CADM2: variants seen among roughly 807,000 people sequenced by gnomAD.
CADM2 encodes cell adhesion molecule 2.
A neutral mutation model predicts 49.8 loss-of-function variants in CADM2; 12 were observed. The observed-to-expected ratio is 0.24, with a 90% confidence interval of 0.15 to 0.39. The LOEUF (loss-of-function observed/expected upper bound fraction) is 0.39. CADM2 is among the 10% of genes least tolerant of loss of function. CADM2 has a pLI of 1.00. For missense variants in CADM2, 378 were observed against 492.3 expected (o/e 0.77, Z 2.20); for synonymous variants, 214 against 175.4 (o/e 1.22, Z -1.74).
At chr3:85,343,198 A>G (rs1293869145) in intron 1 of CADM2, among the ~76,000 whole-genome samples, 1 of 152,192 alleles carries the variant, frequency 6.6e-6, no homozygotes, top group East Asian at 1.9e-4. Context: ...ACTTATGCCA[A>G]CTGTGGCAAC....
At chr3:85,960,590 A>T (rs1724687573) in intron 7 of CADM2, among the ~76,000 whole-genome samples, 1 of 152,006 alleles carries the variant, frequency 6.6e-6, no homozygotes, top group African/African-American at 2.4e-5. Context: ...TACAGAAAAT[A>T]AATGTAAATT....
intron 3 of CADM2, among the ~76,000 whole-genome samples, chr3:85,868,809 G>C (rs1326301900): frequency 6.6e-6 from 1 of 152,040 alleles, no homozygotes; most frequent in African/African-American, 2.4e-5. Flanking sequence ...TCTCAAGTTG[G>C]TTAACGAAAT....
intron 1 of CADM2, among the ~76,000 whole-genome samples, chr3:85,628,265 T>C (rs1315883115): frequency 1.3e-5 from 2 of 152,004 alleles, no homozygotes; most frequent in African/African-American, 2.4e-5. Context: ...TTACGGCTGT[T>C]ACTTGCAGCT....
intron 8 of CADM2, among the ~76,000 whole-genome samples, chr3:86,046,229 A>G (rs944557839): frequency 2.6e-5 from 4 of 152,264 alleles, no homozygotes; most frequent in Non-Finnish European, 5.9e-5. Context: ...ACATGCTTCC[A>G]GTTTGAATAT....
intron 1 of CADM2, among the ~76,000 whole-genome samples, chr3:85,354,955 C>T (rs550805602): frequency 1.3e-5 from 2 of 152,218 alleles, no homozygotes; most frequent in South Asian, 2.1e-4. Flanking sequence ...TTTGTCTTCA[C>T]GGAAACCCAT....
intron 5 of CADM2, among the ~76,000 whole-genome samples, chr3:85,892,621 C>T (rs1485932615): frequency 2.6e-5 from 4 of 152,176 alleles, no homozygotes; most frequent in Non-Finnish European, 5.9e-5. Context: ...CCTTCACCTT[C>T]CTCCATGATA....
At chr3:85,503,164 A>C (rs2040188318) in intron 1 of CADM2, among the ~76,000 whole-genome samples, 1 of 152,174 alleles carries the variant, frequency 6.6e-6, no homozygotes, top group Non-Finnish European at 1.5e-5. Flanking sequence ...AGTGGAATTA[A>C]GAAAACTCAG....
At chr3:85,324,684 A>G (rs181064868) in intron 1 of CADM2, among the ~76,000 whole-genome samples, 1 of 152,380 alleles carries the variant, frequency 6.6e-6, no homozygotes, top group Admixed American at 6.5e-5. Context: ...TCTATCCAGA[A>G]AGAGAAATGG....
intron 1 of CADM2, among the ~76,000 whole-genome samples, chr3:85,564,623 T>C (rs1046649945): frequency 4.6e-5 from 7 of 152,152 alleles, no homozygotes; most frequent in African/African-American, 1.7e-4. Flanking sequence ...ATTTGTGTAT[T>C]CTAGTGTGGA....
intron 1 of CADM2, among the ~76,000 whole-genome samples, chr3:85,545,429 A>T (rs1247088958): frequency 6.6e-6 from 1 of 152,172 alleles, no homozygotes; most frequent in East Asian, 1.9e-4. Context: ...TAGCTTAAAA[A>T]CTTTAATAGC....
chr3:85,329,763 C>T (rs763645094), intron 1 of CADM2, among the ~76,000 whole-genome samples: 3 of 151,872 alleles, frequency 2.0e-5, no homozygotes, highest in Admixed American at 6.6e-5. Flanking sequence ...TATTTTACAA[C>T]TAGTAATTTT....
intron 8 of CADM2, among the ~76,000 whole-genome samples, chr3:85,971,890 C>A (rs984019141): frequency 1.3e-5 from 2 of 151,546 alleles, no homozygotes; most frequent in African/African-American, 4.8e-5. Context: ...AATTGCAGTA[C>A]TTTTCATATT....
At chr3:85,154,812 A>G (rs1170624917) in intron 1 of CADM2, among the ~76,000 whole-genome samples, 5 of 147,796 alleles carry the variant, frequency 3.4e-5, no homozygotes, top group Admixed American at 2.0e-4. Flanking sequence ...AGAATTTTCA[A>G]CCCAGAATTT....
intron 1 of CADM2, among the ~76,000 whole-genome samples, chr3:85,076,420 T>C (rs2036946311): frequency 6.6e-6 from 1 of 151,666 alleles, no homozygotes; most frequent in South Asian, 2.1e-4. Context: ...TGGTATCAGC[T>C]CACGGCAACC....
intron 1 of CADM2, among the ~76,000 whole-genome samples, chr3:85,618,587 C>T (rs1214098107): frequency 6.6e-6 from 1 of 152,006 alleles, no homozygotes; most frequent in Non-Finnish European, 1.5e-5. Flanking sequence ...AAGGATAATC[C>T]CAGTCCAAAG....
chr3:85,187,580 C>A (rs1052928750), intron 1 of CADM2, among the ~76,000 whole-genome samples: 4 of 152,046 alleles, frequency 2.6e-5, no homozygotes, highest in Non-Finnish European at 5.9e-5. Flanking sequence ...GGTTTATGAA[C>A]CTCCTCTGGC....
At chr3:85,345,748 G>A (rs2030569282) in intron 1 of CADM2, among the ~76,000 whole-genome samples, 1 of 152,132 alleles carries the variant, frequency 6.6e-6, no homozygotes, top group East Asian at 1.9e-4. Context: ...TTGGACTATT[G>A]GAAGAACTTA....
chr3:85,188,882 T>A (rs1299319609), intron 1 of CADM2, among the ~76,000 whole-genome samples: 1 of 151,444 alleles, frequency 6.6e-6, no homozygotes, highest in African/African-American at 2.4e-5. Context: ...ATACAAAAAA[T>A]TAGCCAGGCG....
chr3:85,651,697 T>C (rs1248238381), intron 1 of CADM2, among the ~76,000 whole-genome samples: 2 of 152,312 alleles, frequency 1.3e-5, no homozygotes, highest in Non-Finnish European at 2.9e-5. Context: ...CATACTAATG[T>C]AGGATATGTT....
Sources: gnomAD v4.1 joint callset for allele counts (sites outside exome capture counted in the v4.1 genomes callset) on GRCh38, gnomAD v4.1.1 for gene constraint, MANE v1.5 for transcripts, NCBI Gene and HGNC (gene_info 2026-07-23, HGNC 2026-07-21) for gene names.